COBL: variants seen among roughly 807,000 people sequenced by gnomAD.
The protein encoded by COBL is protein cordon-bleu.
A neutral mutation model predicts 98.8 loss-of-function variants in COBL; 51 were observed. The observed-to-expected ratio is 0.52, with a 90% CI of 0.41 to 0.65. The LOEUF is 0.65. Among genes scored for constraint, COBL ranks in the 30% least tolerant of loss-of-function variants. The pLI, the probability that COBL is intolerant of heterozygous loss-of-function variation, is 0.00. For synonymous variants in COBL, 634 were observed against 651.7 expected (o/e 0.97, Z 0.41); for missense variants, 1,617 against 1,617.5 (o/e 1.00, Z 0.01).
chr7:51,147,020 T>C (rs148844277), intron 5 of COBL, among the ~76,000 whole-genome samples: 131 of 152,224 alleles, frequency 8.6e-4, no homozygotes, highest in Non-Finnish European at 1.6e-3. Context: ...GCAGGAAGTG[T>C]TCTGCAGGCC....
chr7:51,286,222 T>G (rs1800345387), intron 1 of COBL, among the ~76,000 whole-genome samples: 1 of 151,052 alleles, frequency 6.6e-6, no homozygotes, highest in Non-Finnish European at 1.5e-5. Context: ...GCCTAAATCA[T>G]GTCTAGAGCA....
At chr7:51,259,862 A>G in intron 1 of COBL, 1 of 756,446 alleles carries the variant, frequency 1.3e-6, no homozygotes. Flanking sequence ...GGTTCTCTGC[A>G]CCAGTAAACT....
At chr7:51,053,988 C>T (rs913737248) in intron 7 of COBL, among the ~76,000 whole-genome samples, 6 of 152,218 alleles carry the variant, frequency 3.9e-5, no homozygotes, top group African/African-American at 1.4e-4. Flanking sequence ...CGAGACCAGC[C>T]TGGCCAACAT....
intron 2 of COBL, among the ~76,000 whole-genome samples, chr7:51,218,949 GTTTT>G (rs772458224): frequency 1.5e-4 from 23 of 152,058 alleles, no homozygotes; most frequent in Non-Finnish European, 2.4e-4. Flanking sequence ...GACTTTGTTA[GTTTT>G]TTTATTATAC....
chr7:51,021,780 C>G (rs530048536), intron 12 of COBL, among the ~76,000 whole-genome samples: 2 of 152,184 alleles, frequency 1.3e-5, no homozygotes, highest in Non-Finnish European at 2.9e-5. Flanking sequence ...CAGAAAAGTG[C>G]CATCTAACCA....
chr7:51,044,355 G>C (rs1188224264), intron 7 of COBL, among the ~76,000 whole-genome samples: 1 of 152,100 alleles, frequency 6.6e-6, no homozygotes, highest in Non-Finnish European at 1.5e-5. Flanking sequence ...ACTAATGATG[G>C]GTAGCACTAT....
intron 6 of COBL, among the ~76,000 whole-genome samples, chr7:51,110,962 C>A (rs555617376): frequency 6.6e-6 from 1 of 152,344 alleles, no homozygotes; most frequent in South Asian, 2.1e-4. Flanking sequence ...GTTGGTTCCA[C>A]GATTTTGCAA....
chr7:51,117,973 C>T (rs918291372), intron 6 of COBL, among the ~76,000 whole-genome samples: 4 of 152,184 alleles, frequency 2.6e-5, no homozygotes, highest in African/African-American at 4.8e-5. Context: ...CTGTCCTTTT[C>T]ATGCATGGTT....
intron 1 of COBL, chr7:51,259,970 T>A: frequency 2.7e-6 from 2 of 752,028 alleles, no homozygotes; most frequent in Non-Finnish European, 2.4e-6. Context: ...CTGAGATGCA[T>A]CTTGTCACGT....
intron 2 of COBL, among the ~76,000 whole-genome samples, chr7:51,217,165 T>C (rs897792220): frequency 1.3e-5 from 2 of 152,158 alleles, no homozygotes; most frequent in Admixed American, 1.3e-4. Context: ...ATTACAAAAC[T>C]TCATGGTGGC....
intron 7 of COBL, among the ~76,000 whole-genome samples, chr7:51,074,995 A>G (rs1463545227): frequency 6.6e-6 from 1 of 152,226 alleles, no homozygotes; most frequent in Non-Finnish European, 1.5e-5. Context: ...TAGCCAGTCA[A>G]TTATTACCGT....
At chr7:51,250,066 C>A (rs964951393) in intron 1 of COBL, among the ~76,000 whole-genome samples, 1 of 152,008 alleles carries the variant, frequency 6.6e-6, no homozygotes, top group African/African-American at 2.4e-5. Context: ...CGCACCACTG[C>A]ACTCCAGCCT....
intron 7 of COBL, among the ~76,000 whole-genome samples, chr7:51,060,130 C>T (rs530477854): frequency 6.6e-6 from 1 of 152,318 alleles, no homozygotes; most frequent in East Asian, 1.9e-4. Flanking sequence ...TGTTTTCCAA[C>T]ACTCCACAGG....
At chr7:51,266,491 T>A (rs1798213193) in intron 1 of COBL, among the ~76,000 whole-genome samples, 1 of 152,060 alleles carries the variant, frequency 6.6e-6, no homozygotes, top group South Asian at 2.1e-4. Flanking sequence ...GGCAGGAGAA[T>A]CCCTTGAACC....
intron 5 of COBL, among the ~76,000 whole-genome samples, chr7:51,174,256 A>G (rs188293037): frequency 1.8e-3 from 271 of 152,244 alleles, no homozygotes; most frequent in Middle Eastern, 6.8e-3. Context: ...TGCTCAGCCT[A>G]AGTTTCTTCC....
chr7:51,141,078 G>A (rs1451284093), intron 5 of COBL, among the ~76,000 whole-genome samples: 1 of 151,520 alleles, frequency 6.6e-6, no homozygotes, highest in East Asian at 1.9e-4. Context: ...ACACTTCCAG[G>A]GACAAACAGG....
rs575104978 is a variant in COBL at position 51,158,692 on chromosome 7, A to G, written c.784-22361T>C. ...TGTCCGCCCCTGCCCTTTTCCAGGG[A>G]GGAGCTGGAAAAGAATGCAGGCAAA... On this transcript the variant is annotated intron_variant, in intron 5 of 12. Coordinates refer to ENST00000265136, the MANE Select transcript of COBL (RefSeq NM_015198.5). Among the ~76,000 whole-genome samples the G allele has an allele frequency of 5.9e-5, 9 of 152,196 alleles. No homozygotes were observed. The East Asian group carries it at 1.7e-3, about 30-fold the overall frequency.
At chr7:51,064,067 C>A (rs1459983469) in intron 7 of COBL, among the ~76,000 whole-genome samples, 1 of 152,184 alleles carries the variant, frequency 6.6e-6, no homozygotes, top group Non-Finnish European at 1.5e-5. Flanking sequence ...TGTGGAGCAA[C>A]CTGGTTGTCT....
chr7:51,298,162 G>C (rs1489854076), intron 1 of COBL, among the ~76,000 whole-genome samples: 2 of 152,200 alleles, frequency 1.3e-5, no homozygotes, highest in Non-Finnish European at 2.9e-5. Context: ...GGCATACGGA[G>C]AGGCCACATG....
Sources: gnomAD v4.1 joint callset for allele counts (sites outside exome capture counted in the v4.1 genomes callset) on GRCh38, gnomAD v4.1.1 for gene constraint, MANE v1.5 for transcripts, NCBI Gene and HGNC (gene_info 2026-07-23, HGNC 2026-07-21) for gene names.